Variants in CSMD3 observed in about 807,000 individuals in gnomAD.
CSMD3 encodes the protein CUB and Sushi multiple domains 3.
A neutral mutation model predicts 435.2 loss-of-function variants in CSMD3; 177 were observed. The observed-to-expected ratio is 0.41, with a 90% CI of 0.36 to 0.46. The LOEUF (loss-of-function observed/expected upper bound fraction) is 0.46, where lower values mean the gene tolerates loss of function less well. Ranked by LOEUF, CSMD3 falls within the 20% of genes least tolerant of loss-of-function variation. The pLI is 0.34. For synonymous variants in CSMD3, 1,656 were observed against 1,520.5 expected (o/e 1.09, Z -2.07); for missense variants, 4,265 against 4,504.6 (o/e 0.95, Z 1.52).
intron 1 of CSMD3, chr8:113,377,191 T>A (rs933340407): frequency 5.2e-5 from 61 of 1,164,546 alleles, no homozygotes; most frequent in Non-Finnish European, 6.3e-5. Flanking sequence ...TCCGCTCCAA[T>A]GGCCGGAAGT....
chr8:112,859,235 T>G lies in CSMD3; in HGVS notation c.1665A>C (p.Pro555=), dbSNP rs1450451299. The change falls in exon 11 of 71, where the codon CCA becomes CCC. Residue 555 remains proline (P), a synonymous_variant. Transcript: ENST00000297405. ...VKTCGSNLQG[P]SGTFTSPNFP... is the part of the protein sequence containing the mutation. ...AGTTGGGAGATGTAAAGGTACCACT[T>G]GGTCCTTGAAGATTAGAGCCACACG... 2.1e-5 allele frequency: 34 copies of G among 1,611,266 alleles called. No homozygotes were observed. The highest frequency in any genetic ancestry group is 2.8e-5 in the Non-Finnish European group (33 of 1,177,784).
chr8:113,364,171 C>T (rs976080205), intron 1 of CSMD3, among the ~76,000 whole-genome samples: 4 of 151,978 alleles, frequency 2.6e-5, no homozygotes, highest in Non-Finnish European at 5.9e-5. Context: ...CTTACTTATC[C>T]TTACCAGAGT....
intron 1 of CSMD3, among the ~76,000 whole-genome samples, chr8:113,354,093 G>GT (rs2094206548): frequency 6.6e-6 from 1 of 152,066 alleles, no homozygotes; most frequent in Non-Finnish European, 1.5e-5. Context: ...TTAAATTAAT[G>GT]AATGACCGAC....
At chr8:112,635,055 AGC>A (rs879664435) in intron 22 of CSMD3, among the ~76,000 whole-genome samples, 2,153 of 152,204 alleles carry the variant, frequency 0.014, 28 homozygotes, top group Non-Finnish European at 0.022. Context: ...AAAAGAACCT[AGC>A]AGGTCCTTAT....
chr8:113,372,751 G>A (rs1335531206), intron 1 of CSMD3, among the ~76,000 whole-genome samples: 1 of 152,136 alleles, frequency 6.6e-6, no homozygotes, highest in Non-Finnish European at 1.5e-5. Flanking sequence ...GGCTAACAAG[G>A]TGAAACCCCG....
At chr8:112,378,554 G>T (rs978851051) in intron 38 of CSMD3, among the ~76,000 whole-genome samples, 3 of 152,118 alleles carry the variant, frequency 2.0e-5, no homozygotes, top group Non-Finnish European at 4.4e-5. Flanking sequence ...AGTGAAATGA[G>T]CCAGGCATAG....
At chr8:112,654,616 ACTT>A (rs1351332893) in intron 18 of CSMD3, among the ~76,000 whole-genome samples, 1 of 152,162 alleles carries the variant, frequency 6.6e-6, no homozygotes, top group Non-Finnish European at 1.5e-5. Context: ...TTTGAGCAGG[ACTT>A]CTTATTTTTA....
At chr8:113,214,399 T>G (rs1203744038) in intron 3 of CSMD3, among the ~76,000 whole-genome samples, 5 of 151,916 alleles carry the variant, frequency 3.3e-5, no homozygotes, top group African/African-American at 1.2e-4. Flanking sequence ...CTTAGTAAAC[T>G]TGTAATGCAT....
intron 31 of CSMD3, among the ~76,000 whole-genome samples, chr8:112,476,956 A>G (rs1214152758): frequency 6.6e-6 from 1 of 152,110 alleles, no homozygotes; most frequent in African/African-American, 2.4e-5. Context: ...AAAACATAAG[A>G]CTTATCATAT....
chr8:112,380,312 GT>G, intron 38 of CSMD3, 39 bp downstream of exon 38: 1 of 1,075,236 alleles, frequency 9.3e-7, no homozygotes, highest in Non-Finnish European at 1.4e-6. Context: ...ATATAAACTT[GT>G]TCTTAACCTT....
chr8:112,565,958 T>TA (rs896765247), intron 24 of CSMD3, among the ~76,000 whole-genome samples: 27 of 147,848 alleles, frequency 1.8e-4, no homozygotes, highest in African/African-American at 3.5e-4. Flanking sequence ...GTAACAAAAA[T>TA]AAAAAAAAAT....
At chr8:113,318,905 G>A (rs2093930030) in intron 1 of CSMD3, among the ~76,000 whole-genome samples, 1 of 151,538 alleles carries the variant, frequency 6.6e-6, no homozygotes, top group Non-Finnish European at 1.5e-5. Context: ...TTGTGTGTGA[G>A]TATGTATATA....
chr8:112,301,392 C>T (rs999508492), intron 53 of CSMD3, among the ~76,000 whole-genome samples: 1 of 151,942 alleles, frequency 6.6e-6, no homozygotes, highest in Non-Finnish European at 1.5e-5. Flanking sequence ...AAGAAAGGTA[C>T]TTAAATACAC....
chr8:112,991,113 T>G (rs928824751), intron 6 of CSMD3, among the ~76,000 whole-genome samples: 2 of 151,794 alleles, frequency 1.3e-5, no homozygotes, highest in African/African-American at 4.8e-5. Flanking sequence ...TTCATACTTA[T>G]GAGGACCTAC....
chr8:112,847,007 T>G (rs961128453), intron 11 of CSMD3, among the ~76,000 whole-genome samples: 4 of 152,084 alleles, frequency 2.6e-5, no homozygotes, highest in Non-Finnish European at 4.4e-5. Context: ...AGTTGGTTTT[T>G]CTAATTTCCA....
intron 5 of CSMD3, among the ~76,000 whole-genome samples, chr8:113,097,065 A>T (rs1431120572): frequency 1.3e-5 from 2 of 151,974 alleles, no homozygotes; most frequent in East Asian, 1.9e-4. Context: ...ACCTCCCTAG[A>T]TCTCAGGTTC....
rs1453560726 is a variant in CSMD3, at chr8:112,808,052, TAA to T, written c.1860-7780_1860-7779del. 2.6e-5 allele frequency among the ~76,000 whole-genome samples: 4 copies of T among 152,214 alleles called. No individual in the cohort carries two copies. The East Asian group carries it at 7.7e-4, about 29-fold the overall frequency. ...AAAAATAAAATTATTCCAAAAATAT[TAA>T]AGAGATGAGCTGTTTGTCAGAAGAA... On this transcript the variant is annotated intron_variant, in intron 12 of 70. Coordinates refer to ENST00000297405, the MANE Select transcript of CSMD3 (RefSeq NM_198123.2).
chr8:112,707,553 A>C (rs16883977), intron 13 of CSMD3, among the ~76,000 whole-genome samples: 1,783 of 152,106 alleles, frequency 0.012, 17 homozygotes, highest in Non-Finnish European at 0.019. Context: ...ACAGTTAAAC[A>C]GGCAATTTGG....
chr8:112,698,496 C>A (rs962586021), intron 13 of CSMD3, among the ~76,000 whole-genome samples: 3 of 151,836 alleles, frequency 2.0e-5, no homozygotes, highest in Non-Finnish European at 2.9e-5. Context: ...CTAAAGGGAA[C>A]CAGGGGAGCT....
Sources: allele counts gnomAD v4.1 joint callset (sites outside exome capture counted in the v4.1 genomes callset), GRCh38; gene constraint gnomAD v4.1.1; transcripts MANE v1.5; gene names NCBI Gene and HGNC (gene_info 2026-07-23, HGNC 2026-07-21).